PREX2: variants seen among roughly 807,000 people sequenced by gnomAD.
PREX2 encodes the protein phosphatidylinositol 3,4,5-trisphosphate-dependent Rac exchanger 2 protein.
Under a neutral mutation model 203.2 loss-of-function variants are expected in PREX2, and 107 were observed. The ratio of observed to expected loss-of-function variants is 0.53; its 90% CI spans 0.45 to 0.62. The LOEUF is 0.62. PREX2 is among the 20% of genes least tolerant of loss of function. The pLI, the probability that PREX2 is intolerant of heterozygous loss-of-function variation, is 0.00. For synonymous variants in PREX2, 672 were observed against 663.6 expected, an observed-to-expected ratio of 1.01 and a Z score of -0.19; for missense variants, 1,777 against 1,955.9, an observed-to-expected ratio of 0.91 and a Z score of 1.72.
rs1811158965 is a variant in PREX2, at chr8:68,138,572, A to G, written c.4087+55A>G. ...TTGGCATCAAATAATTATATATGAT[A>G]TAACTTTGGTATTAATATATTTGAT... On this transcript the variant is annotated intron_variant, in intron 33 of 39. Transcript: ENST00000288368. 5 of 801,188 alleles carry G rather than the reference A, an allele frequency of 6.2e-6. No homozygotes were observed. In the Admixed American group the frequency reaches 9.0e-5, roughly 14 times the overall value. 49.6% of individuals were successfully genotyped at this position (801,188 alleles called of 1,614,324 possible). A position where few individuals can be genotyped will look rare whatever the true frequency, so the allele number is the denominator to read the frequency against.
At chr8:68,024,261 C>T (rs1807650126) in intron 4 of PREX2, among the ~76,000 whole-genome samples, 1 of 151,830 alleles carries the variant, frequency 6.6e-6, no homozygotes, top group Admixed American at 6.6e-5. Flanking sequence ...TTTAATGATT[C>T]AATTATTGAG....
intron 35 of PREX2, among the ~76,000 whole-genome samples, chr8:68,190,972 C>T (rs1305683609): frequency 6.6e-6 from 1 of 151,832 alleles, no homozygotes; most frequent in African/African-American, 2.4e-5. Context: ...TTCCACTTTG[C>T]ATATTAAAAT....
chr8:67,966,390 T>C (rs756590242), intron 1 of PREX2, among the ~76,000 whole-genome samples: 5 of 152,072 alleles, frequency 3.3e-5, no homozygotes, highest in Non-Finnish European at 5.9e-5. Context: ...TATTCTGTAA[T>C]TTCCCTTAGT....
At chr8:68,053,284 G>T in intron 9 of PREX2, 38 bp downstream of exon 9, 1 of 1,606,638 alleles carries the variant, frequency 6.2e-7, no homozygotes, top group South Asian at 1.1e-5. Flanking sequence ...ACTTTGTGAA[G>T]ACTCTAACTT....
chr8:68,095,981 A>G (rs1220335611), intron 21 of PREX2, among the ~76,000 whole-genome samples: 3 of 152,026 alleles, frequency 2.0e-5, no homozygotes, highest in Non-Finnish European at 4.4e-5. Flanking sequence ...CACTGATCGT[A>G]TGGGGGGTAC....
intron 37 of PREX2, among the ~76,000 whole-genome samples, chr8:68,195,984 G>C (rs2129614779): frequency 6.6e-6 from 1 of 152,290 alleles, no homozygotes; most frequent in East Asian, 1.9e-4. Flanking sequence ...TCAGATGGCA[G>C]AGCTACATAC....
At chr8:68,164,267 T>C (rs1811710853) in intron 35 of PREX2, among the ~76,000 whole-genome samples, 1 of 151,856 alleles carries the variant, frequency 6.6e-6, no homozygotes, top group African/African-American at 2.4e-5. Context: ...AGCAGATAAT[T>C]AATGAAGGAT....
At chr8:68,021,017 T>A (rs1807551942) in intron 3 of PREX2, among the ~76,000 whole-genome samples, 1 of 152,226 alleles carries the variant, frequency 6.6e-6, no homozygotes, top group African/African-American at 2.4e-5. Flanking sequence ...GTTCTAACAT[T>A]TGATCAGTAA....
At chr8:68,226,286 C>G (rs1037647829) in intron 39 of PREX2, among the ~76,000 whole-genome samples, 6 of 152,128 alleles carry the variant, frequency 3.9e-5, no homozygotes, top group African/African-American at 1.4e-4. Context: ...GGCCTTCACA[C>G]AGTTTTCAAT....
At chr8:67,988,351 C>T (rs1806497058) in intron 1 of PREX2, among the ~76,000 whole-genome samples, 1 of 152,174 alleles carries the variant, frequency 6.6e-6, no homozygotes, top group Admixed American at 6.6e-5. Context: ...AACCAAAGTC[C>T]CTATTGCTCC....
intron 35 of PREX2, among the ~76,000 whole-genome samples, chr8:68,186,852 T>C (rs1190347486): frequency 6.6e-6 from 1 of 152,194 alleles, no homozygotes; most frequent in Non-Finnish European, 1.5e-5. Context: ...TAAATAAAGT[T>C]TCACTTGATG....
rs1241245416 is a variant in PREX2, at chr8:68,030,749, G to T, written c.705+91G>T. The T allele has an allele frequency of 5.6e-6, 7 of 1,248,906 alleles. No individual in the cohort carries two copies. The African/African-American group carries it at 6.0e-5, about 11-fold the overall frequency. The allele number at this position is 1,248,906 out of a possible 1,614,324, so 77.4% of individuals were successfully genotyped here. On this transcript the variant is annotated intron_variant, in intron 6 of 39. Transcript: ENST00000288368. ...ACTGGCGTTGGATGGAACCATAAAT[G>T]GTCATTTTCTCAGATATTACTTGAG...
chr8:68,110,229 A>G (rs1007976972), intron 25 of PREX2, among the ~76,000 whole-genome samples: 2 of 152,174 alleles, frequency 1.3e-5, no homozygotes, highest in African/African-American at 2.4e-5. Context: ...TAAGAATATG[A>G]TGGTTGGAGA....
In PREX2 at chr8:68,175,519, G is replaced by A. The variant is rs571429153; in HGVS notation, c.4347-16203G>A. On this transcript the variant is annotated intron_variant, in intron 35 of 39. Transcript: ENST00000288368. ...GAAACATAAACTATTTCAGGCAAGCGATAATGAGAACCCTAAGTAGATACA... is the reference window on the plus strand; with the variant it reads ...GAAACATAAACTATTTCAGGCAAGCAATAATGAGAACCCTAAGTAGATACA... Among the ~76,000 whole-genome samples, 20 of 152,252 alleles carry A rather than the reference G, an allele frequency of 1.3e-4. No individual in the cohort carries two copies. The South Asian group carries it at 3.7e-3, about 28-fold the overall frequency.
intron 22 of PREX2, among the ~76,000 whole-genome samples, chr8:68,097,473 C>T (rs1387822393): frequency 1.3e-5 from 2 of 152,070 alleles, no homozygotes; most frequent in Admixed American, 6.5e-5. Flanking sequence ...TACAGGCATG[C>T]ACCACCATGC....
At chr8:68,084,065 G>C (rs941088499) in intron 18 of PREX2, among the ~76,000 whole-genome samples, 5 of 151,752 alleles carry the variant, frequency 3.3e-5, no homozygotes, top group Non-Finnish European at 7.4e-5. Context: ...CAAAATGAGA[G>C]CATGCTCTGT....
intron 1 of PREX2, among the ~76,000 whole-genome samples, chr8:67,988,287 C>T (rs62520719): frequency 0.22 from 33,622 of 152,166 alleles, 4,809 homozygotes; most frequent in East Asian, 0.54. Context: ...CTGCACACCA[C>T]GGCTGAAGCT....
chr8:67,952,697 G>C (rs909463406), intron 1 of PREX2, 162 bp downstream of exon 1: 1 of 974,646 alleles, frequency 1.0e-6, no homozygotes, highest in East Asian at 2.7e-5. Flanking sequence ...GTTCGCGGGC[G>C]CGGTGACCCC....
intron 1 of PREX2, among the ~76,000 whole-genome samples, chr8:67,984,938 C>A (rs1054160508): frequency 6.6e-6 from 1 of 151,916 alleles, no homozygotes; most frequent in Non-Finnish European, 1.5e-5. Flanking sequence ...AGGAAGCCAG[C>A]CCAGGCACCC....
Sources: allele counts gnomAD v4.1 joint callset (sites outside exome capture counted in the v4.1 genomes callset), GRCh38; gene constraint gnomAD v4.1.1; transcripts MANE v1.5; gene names NCBI Gene and HGNC (gene_info 2026-07-23, HGNC 2026-07-21).